The following TIMM10 variants were observed in gnomAD, a reference collection of about 807,000 sequenced individuals.
TIMM10 encodes the protein translocase of inner mitochondrial membrane 10, also known as mitochondrial import inner membrane translocase subunit Tim10.
In TIMM10, 13 loss-of-function variants were observed where a neutral mutation model predicts 9.1. The ratio of observed to expected loss-of-function variants is 1.42; its 90% confidence interval spans 0.93 to 2.26. The LOEUF (loss-of-function observed/expected upper bound fraction) is 2.26, where lower values mean the gene tolerates loss of function less well. Among genes scored for constraint, TIMM10 ranks in the 30% most tolerant of loss-of-function variants. TIMM10 has a pLI of 0.00. For missense variants in TIMM10, 82 were observed against 113.6 expected (o/e 0.72, Z 1.26); for synonymous variants, 40 against 42.1 (o/e 0.95, Z 0.20).
chr11:57,530,361 A>C, intron 1 of TIMM10, 127 bp from the exon 2 acceptor site: 5 of 574,876 alleles, frequency 8.7e-6, no homozygotes, highest in Non-Finnish European at 1.6e-5. Flanking sequence ...GAGCTTAACC[A>C]CCCCATTTCA....
At chr11:57,530,072 G>A in intron 2 of TIMM10, 47 bp downstream of exon 2, 1 of 1,602,968 alleles carries the variant, frequency 6.2e-7, no homozygotes, top group Non-Finnish European at 8.5e-7. Context: ...CGATAAGGGT[G>A]ACCAAGACTT....
Position 57,528,898 on chromosome 11 carries a change from C to T in TIMM10, c.92G>A (p.Arg31Gln), listed in dbSNP as rs780022243. 20 of 1,613,214 alleles carry T rather than the reference C, an allele frequency of 1.2e-5. No individual in the cohort carries two copies. Among genetic ancestry groups the T allele is most frequent in the Admixed American group, 3.3e-5 (2 of 59,996 alleles). The change falls in exon 3 of 3, where the codon CGG (arginine) becomes CAG (glutamine). Residue 31 changes from arginine to glutamine, a missense_variant. By Grantham distance (43) the Arg-to-Gln change is conservative. Transcript: ENST00000257245. ...CTTGTAGTGAGGAGGCACACACTTC[C>T]GGTGGCAGGCACTGGTCATTCTGGA... ...MYNRMTSACH[R>Q]KCVPPHYKEA...
rs1944790485 is a variant in TIMM10, at chr11:57,530,705, C to T, written c.-93G>A. 1 of 153,542 alleles carries T rather than the reference C, an allele frequency of 6.5e-6. No homozygotes were observed. The highest frequency in any genetic ancestry group is 2.0e-4 in the South Asian group (1 of 5,020). 9.5% of individuals were successfully genotyped at this position (153,542 alleles called of 1,614,324 possible). A position where few individuals can be genotyped will look rare whatever the true frequency, so the allele number is the denominator to read the frequency against. ...TGCCCACGGAGACCCCAACTTCTGA[C>T]AAATACTATAACGTTACCCGCCTCC... On this transcript the variant is annotated 5_prime_UTR_variant, in exon 1 of 3. Coordinates refer to ENST00000257245, the MANE Select transcript of TIMM10 (RefSeq NM_012456.3).
rs1007156987 is a variant in TIMM10 at position 57,530,118 on chromosome 11, C to G, written c.71+1G>C. On this transcript the variant is annotated splice_donor_variant, in intron 2 of 2. Transcript: ENST00000257245. LOFTEE classifies it high-confidence loss of function. The stretch of plus-strand genomic sequence containing the variant: ...ACAGGGTAGCACATAGTTCTCTTTA[C>G]CTGTTGTACATATCGGCCATCATCT... 4 of 1,614,102 alleles carry G rather than the reference C, an allele frequency of 2.5e-6. No homozygotes were observed. Among genetic ancestry groups the G allele is most frequent in the African/African-American group, 1.3e-5 (1 of 75,048 alleles).
Position 57,528,880 on chromosome 11 carries a change from T to C in TIMM10, c.110A>G (p.His37Arg). 6.2e-7 allele frequency: 1 copy of C among 1,613,566 alleles called. No homozygotes were observed. The highest frequency in any genetic ancestry group is 8.5e-7 in the Non-Finnish European group (1 of 1,179,984). Residue 37 changes from histidine to arginine, a missense_variant, in exon 3 of 3, where the codon CAC (histidine) becomes CGC (arginine). Transcript: ENST00000257245. ...SACHRKCVPP[H>R]YKEAELSKGE... ...CTTGGAGAGCTCTGCTTCCTTGTAG[T>C]GAGGAGGCACACACTTCCGGTGGCA...
intron 2 of TIMM10, among the ~76,000 whole-genome samples, chr11:57,529,132 T>A (rs1944776418): frequency 6.6e-6 from 1 of 152,260 alleles, no homozygotes; most frequent in South Asian, 2.1e-4. Context: ...TGTTGAGGAC[T>A]GGCTACATGC....
chr11:57,528,924 G>C lies in TIMM10; in HGVS notation c.72-6C>G. On this transcript the variant is annotated splice_polypyrimidine_tract_variant and splice_region_variant and intron_variant, in intron 2 of 2. Transcript: ENST00000257245. ...GGTGGCAGGCACTGGTCATTCTGGAGGGAGGGAGGGGCAAGGTCATGTCAG... is the reference window on the plus strand; with the variant it reads ...GGTGGCAGGCACTGGTCATTCTGGACGGAGGGAGGGGCAAGGTCATGTCAG... The C allele has an allele frequency of 6.2e-7, 1 of 1,612,440 alleles. No individual in the cohort carries two copies. Among genetic ancestry groups the C allele is most frequent in the Non-Finnish European group, 8.5e-7 (1 of 1,179,896 alleles).
chr11:57,530,248 T>C lies in TIMM10; in HGVS notation c.-45-14A>G. 3 of 1,567,526 alleles carry C rather than the reference T, an allele frequency of 1.9e-6. No homozygotes were observed. The highest frequency in any genetic ancestry group is 2.6e-6 in the Non-Finnish European group (3 of 1,139,302). On this transcript the variant is annotated splice_polypyrimidine_tract_variant and intron_variant, in intron 1 of 2. Transcript: ENST00000257245. ...GGCCTCCTAATCCTGGGAGCAGACA[T>C]CACCATCAGCACCCACCGCCGCCGT... is the stretch of plus-strand genomic sequence containing the variant.
Position 57,528,816 on chromosome 11 carries a change from G to T in TIMM10, c.174C>A (p.Tyr58Ter), listed in dbSNP as rs747179826. The change falls in exon 3 of 3, where the codon TAC becomes TAA. Residue 58 changes from tyrosine to a stop codon, truncating the protein, a stop_gained. Transcript: ENST00000257245. LOFTEE classifies it high-confidence loss of function. ...SVCLDRCVSK[Y>*]LDIHERMGKK... The stretch of plus-strand genomic sequence containing the variant: ...TGCCCATCCGCTCATGGATGTCCAG[G>T]TACTTAGAGACACATCGGTCCAGGC... The T allele has an allele frequency of 6.2e-7, 1 of 1,614,068 alleles. No homozygotes were observed. The highest frequency in any genetic ancestry group is 1.1e-5 in the South Asian group (1 of 91,068).
At chr11:57,529,001 G>C (rs992013832) in intron 2 of TIMM10, 83 bp from the exon 3 acceptor site, 2 of 1,395,200 alleles carry the variant, frequency 1.4e-6, no homozygotes, top group Non-Finnish European at 2.0e-6. Context: ...CTGCTATATT[G>C]ATTTCACCTC....
In TIMM10 at chr11:57,528,636, A is replaced by G; in HGVS notation, c.*81T>C. The stretch of plus-strand genomic sequence containing the variant: ...AGAGAGCCTAGGCCTGGCAGTCTTC[A>G]CAGATGACACCCAACAGGGAGCACG... On this transcript the variant is annotated 3_prime_UTR_variant, in exon 3 of 3. Coordinates refer to ENST00000257245, the MANE Select transcript of TIMM10 (RefSeq NM_012456.3). 3.4e-6 allele frequency: 5 copies of G among 1,449,356 alleles called. No homozygotes were observed. Among genetic ancestry groups the G allele is most frequent in the Non-Finnish European group, 4.8e-6 (5 of 1,043,516 alleles). 89.8% of individuals were successfully genotyped at this position (1,449,356 alleles called of 1,614,324 possible). A position where few individuals can be genotyped will look rare whatever the true frequency, so the allele number is the denominator to read the frequency against.
rs1230394473 is a variant in TIMM10 at position 57,528,821 on chromosome 11, T to C, written c.169A>G (p.Lys57Glu). 15 of 1,613,948 alleles carry C rather than the reference T, an allele frequency of 9.3e-6. No homozygotes were observed. The highest frequency in any genetic ancestry group is 1.3e-5 in the Non-Finnish European group (15 of 1,180,024). ...ATCCGCTCATGGATGTCCAGGTACT[T>C]AGAGACACATCGGTCCAGGCACACA... is the stretch of plus-strand genomic sequence containing the variant. ...ESVCLDRCVS[K>E]YLDIHERMGK... Residue 57 changes from lysine (K) to glutamate (E), a missense_variant, in exon 3 of 3, where the codon AAG becomes GAG. Coordinates refer to ENST00000257245, the MANE Select transcript of TIMM10 (RefSeq NM_012456.3).
At chr11:57,530,492 G>A (rs920122081) in intron 1 of TIMM10, among the ~76,000 whole-genome samples, 166 bp downstream of exon 1, 1 of 152,124 alleles carries the variant, frequency 6.6e-6, no homozygotes, top group African/African-American at 2.4e-5. Context: ...AGGAGATCGA[G>A]GACCGGAGGA....
At position 57,530,690 on chromosome 11, in the gene TIMM10, G is replaced by A. The variant is rs1944790356; in HGVS notation, c.-78C>T. On this transcript the variant is annotated 5_prime_UTR_variant, in exon 1 of 3. Coordinates refer to ENST00000257245, the MANE Select transcript of TIMM10 (RefSeq NM_012456.3). ...TGGGACGGATCACAATGCCCACGGA[G>A]ACCCCAACTTCTGACAAATACTATA... is the stretch of plus-strand genomic sequence containing the variant. 1 of 153,844 alleles carries A rather than the reference G, an allele frequency of 6.5e-6. No individual in the cohort carries two copies. The highest frequency in any genetic ancestry group is 2.4e-5 in the African/African-American group (1 of 41,472). The allele number at this position is 153,844 out of a possible 1,614,324, so 9.5% of individuals were successfully genotyped here. A position where few individuals can be genotyped will look rare whatever the true frequency, so the allele number is the denominator to read the frequency against.
In TIMM10 at chr11:57,530,100, A is replaced by G; in HGVS notation, c.71+19T>C. On this transcript the variant is annotated intron_variant, in intron 2 of 2. Coordinates refer to ENST00000257245, the MANE Select transcript of TIMM10 (RefSeq NM_012456.3). ...CAAGACTTATTTTCCAAGACAGGGT[A>G]GCACATAGTTCTCTTTACCTGTTGT... 1 of 1,613,404 alleles carries G rather than the reference A, an allele frequency of 6.2e-7. No individual in the cohort carries two copies. The highest frequency in any genetic ancestry group is 8.5e-7 in the Non-Finnish European group (1 of 1,179,330).
Position 57,529,203 on chromosome 11 carries a change from G to A in TIMM10, c.72-285C>T, listed in dbSNP as rs139504116. 3.8e-3 allele frequency among the ~76,000 whole-genome samples: 584 copies of A among 152,294 alleles called. 1 individual carries two copies. Among genetic ancestry groups the A allele is most frequent in the African/African-American group, 0.014 (568 of 41,548 alleles). On this transcript the variant is annotated intron_variant, in intron 2 of 2. Coordinates refer to ENST00000257245, the MANE Select transcript of TIMM10 (RefSeq NM_012456.3). ...TATGCAATGCTTACAATAACCCTAA[G>A]AGACATGTATCCCCATTTTACAGAT...
Position 57,528,620 on chromosome 11 carries a change from A to C in TIMM10, c.*97T>G. ...CTTGAAGACTCTCTACAGAGAGCCT[A>C]GGCCTGGCAGTCTTCACAGATGACA... On this transcript the variant is annotated 3_prime_UTR_variant, in exon 3 of 3. Coordinates refer to ENST00000257245, the MANE Select transcript of TIMM10 (RefSeq NM_012456.3). 1 of 1,226,938 alleles carries C rather than the reference A, an allele frequency of 8.2e-7. No homozygotes were observed. Among genetic ancestry groups the C allele is most frequent in the Middle Eastern group, 2.7e-4 (1 of 3,642 alleles). The allele number at this position is 1,226,938 out of a possible 1,614,324, so 76.0% of individuals were successfully genotyped here. A position where few individuals can be genotyped will look rare whatever the true frequency, so the allele number is the denominator to read the frequency against.
At chr11:57,529,737 T>C (rs1486723612) in intron 2 of TIMM10, among the ~76,000 whole-genome samples, 2 of 152,222 alleles carry the variant, frequency 1.3e-5, no homozygotes, top group African/African-American at 2.4e-5. Context: ...ATTAACCCAC[T>C]GGATTATTTT....
chr11:57,528,483 T>TTATATATATATATA lies in TIMM10; in HGVS notation c.*220_*233dup, dbSNP rs10547275. On this transcript the variant is annotated 3_prime_UTR_variant, in exon 3 of 3. Coordinates refer to ENST00000257245, the MANE Select transcript of TIMM10 (RefSeq NM_012456.3). ...ACATAGTAGGTGTCAACAAACTTGT[T>TTATATATATATATA]TATATATATATATATATATATATAT... is the stretch of plus-strand genomic sequence containing the variant. The TTATATATATATATA allele has an allele frequency of 3.3e-5, 5 of 149,540 alleles. No homozygotes were observed. The East Asian group carries it at 7.4e-4, about 22-fold the overall frequency. The allele number at this position is 149,540 out of a possible 1,614,324, so 9.3% of individuals were successfully genotyped here. A position where few individuals can be genotyped will look rare whatever the true frequency, so the allele number is the denominator to read the frequency against.
Sources: gnomAD v4.1 joint callset for allele counts (sites outside exome capture counted in the v4.1 genomes callset) on GRCh38, gnomAD v4.1.1 for gene constraint, MANE v1.5 for transcripts, NCBI Gene and HGNC (gene_info 2026-07-23, HGNC 2026-07-21) for gene names.